The following CNTNAP2 variants were observed in gnomAD, a reference collection of about 807,000 sequenced individuals.
The protein encoded by CNTNAP2 is contactin-associated protein-like 2.
CNTNAP2 carries 98 observed loss-of-function variants against 155.2 expected under a neutral mutation model. The ratio of observed to expected loss-of-function variants is 0.63; its 90% CI spans 0.54 to 0.75. CNTNAP2 has a LOEUF of 0.75. Among genes scored for constraint, CNTNAP2 ranks in the 30% least tolerant of loss-of-function variants. The probability of loss-of-function intolerance (pLI) is 0.00; values close to 1 mark genes in which losing one functional copy is unlikely to be tolerated. For missense variants in CNTNAP2, 1,727 were observed against 1,688.1 expected, an observed-to-expected ratio of 1.02 and a Z score of -0.40; for synonymous variants, 651 against 631.2, an observed-to-expected ratio of 1.03 and a Z score of -0.47.
intron 12 of CNTNAP2, among the ~76,000 whole-genome samples, chr7:147,609,257 C>T (rs753189128): frequency 2.0e-5 from 3 of 152,134 alleles, no homozygotes; most frequent in East Asian, 1.9e-4. Flanking sequence ...GTGGGCCGGG[C>T]GCGGTGGCTC....
At chr7:147,072,848 C>CTTTTTTTT (rs71165064) in intron 4 of CNTNAP2, among the ~76,000 whole-genome samples, 22 of 93,684 alleles carry the variant, frequency 2.3e-4, no homozygotes, top group South Asian at 3.9e-4. Context: ...TTCCTTTATT[C>CTTTTTTTT]TTTTTTTTTT....
chr7:148,167,626 G>A (rs772897349), intron 17 of CNTNAP2, among the ~76,000 whole-genome samples: 19 of 152,306 alleles, frequency 1.2e-4, no homozygotes, highest in Non-Finnish European at 1.8e-4. Flanking sequence ...CCTGTGAACC[G>A]TGAGCCAGAG....
chr7:146,498,627 T>C (rs557268256), intron 1 of CNTNAP2, among the ~76,000 whole-genome samples: 1 of 152,164 alleles, frequency 6.6e-6, no homozygotes, highest in African/African-American at 2.4e-5. Context: ...CTTTGATTTG[T>C]TTATATACAC....
intron 3 of CNTNAP2, among the ~76,000 whole-genome samples, chr7:146,914,150 G>A (rs553841852): frequency 3.2e-4 from 49 of 151,676 alleles, no homozygotes; most frequent in African/African-American, 8.7e-4. Flanking sequence ...TGGCTCAGTC[G>A]TATTCATATA....
chr7:148,304,942 A>G (rs1797462281), intron 21 of CNTNAP2, among the ~76,000 whole-genome samples: 1 of 151,320 alleles, frequency 6.6e-6, no homozygotes, highest in South Asian at 2.1e-4. Context: ...CCAGCCAGGC[A>G]TGGTGGTTCA....
intron 12 of CNTNAP2, among the ~76,000 whole-genome samples, chr7:147,611,616 A>T (rs962327072): frequency 2.6e-5 from 4 of 152,178 alleles, no homozygotes; most frequent in Non-Finnish European, 5.9e-5. Flanking sequence ...ACAGTGCTTC[A>T]TCTGTCATCC....
chr7:146,228,190 T>G (rs1401336070), intron 1 of CNTNAP2, among the ~76,000 whole-genome samples: 1 of 152,196 alleles, frequency 6.6e-6, no homozygotes, highest in East Asian at 1.9e-4. Context: ...TGGGGATAAG[T>G]GTGTGACACT....
At chr7:146,380,126 A>G (rs1232148137) in intron 1 of CNTNAP2, among the ~76,000 whole-genome samples, 1 of 152,188 alleles carries the variant, frequency 6.6e-6, no homozygotes, top group Non-Finnish European at 1.5e-5. Flanking sequence ...AAAAAATATT[A>G]ATTTTCTGCT....
intron 3 of CNTNAP2, among the ~76,000 whole-genome samples, chr7:146,933,657 C>T (rs1279043074): frequency 1.4e-5 from 2 of 147,806 alleles, no homozygotes; most frequent in Non-Finnish European, 3.0e-5. Context: ...AGGCAACCTA[C>T]AAAATGGGAG....
At chr7:146,721,319 C>CTATATA (rs199790836) in intron 1 of CNTNAP2, among the ~76,000 whole-genome samples, 1 of 124,298 alleles carries the variant, frequency 8.0e-6, no homozygotes, top group Non-Finnish European at 1.6e-5. Flanking sequence ...TATATATATT[C>CTATATA]TATATATACA....
chr7:148,224,986 G>A (rs1795820781), intron 19 of CNTNAP2, among the ~76,000 whole-genome samples: 1 of 152,178 alleles, frequency 6.6e-6, no homozygotes, highest in Admixed American at 6.5e-5. Context: ...GGGGATTATG[G>A]GAACTACAAT....
chr7:146,166,941 C>T (rs1798320724), intron 1 of CNTNAP2, among the ~76,000 whole-genome samples: 1 of 152,182 alleles, frequency 6.6e-6, no homozygotes, highest in Admixed American at 6.5e-5. Context: ...TCCGAAACCA[C>T]ATGTGAGTAA....
chr7:147,611,530 A>T (rs1801185345), intron 12 of CNTNAP2, among the ~76,000 whole-genome samples: 1 of 152,208 alleles, frequency 6.6e-6, no homozygotes, highest in Non-Finnish European at 1.5e-5. Flanking sequence ...ATGCTTTCCT[A>T]CAAAAAAAGA....
chr7:146,975,821 T>C (rs16883256), intron 3 of CNTNAP2, among the ~76,000 whole-genome samples: 267 of 152,260 alleles, frequency 1.8e-3, no homozygotes, highest in Middle Eastern at 0.014. Flanking sequence ...ATTAAGAACT[T>C]GAAGTCCCAA....
intron 13 of CNTNAP2, among the ~76,000 whole-genome samples, chr7:147,687,892 A>T (rs879090770): frequency 6.6e-6 from 1 of 151,602 alleles, no homozygotes; most frequent in Admixed American, 6.8e-5. Context: ...AAACATTCTG[A>T]TACAGTATAG....
intron 13 of CNTNAP2, among the ~76,000 whole-genome samples, chr7:147,879,768 A>G (rs1799488666): frequency 6.6e-6 from 1 of 152,246 alleles, no homozygotes; most frequent in Admixed American, 6.5e-5. Flanking sequence ...AAAATACAGC[A>G]GCATAATAAA....
chr7:146,997,186 C>A (rs1563037391), intron 3 of CNTNAP2, among the ~76,000 whole-genome samples: 1 of 152,104 alleles, frequency 6.6e-6, no homozygotes, highest in Non-Finnish European at 1.5e-5. Flanking sequence ...TCATCTTTCC[C>A]ATTTAATATG....
At chr7:147,794,113 ATTC>A (rs1797857939) in intron 13 of CNTNAP2, among the ~76,000 whole-genome samples, 1 of 151,934 alleles carries the variant, frequency 6.6e-6, no homozygotes, top group African/African-American at 2.4e-5. Flanking sequence ...AATAATTTTA[ATTC>A]TTCTTTTATA....
intron 4 of CNTNAP2, among the ~76,000 whole-genome samples, chr7:147,106,973 A>G (rs960281504): frequency 1.3e-5 from 2 of 152,194 alleles, no homozygotes; most frequent in African/African-American, 4.8e-5. Flanking sequence ...TTTTTCTCCA[A>G]TGTCTCCCTC....
Sources: gnomAD v4.1 joint callset for allele counts (sites outside exome capture counted in the v4.1 genomes callset) on GRCh38, gnomAD v4.1.1 for gene constraint, MANE v1.5 for transcripts, NCBI Gene and HGNC (gene_info 2026-07-23, HGNC 2026-07-21) for gene names.